VWA8: variants seen among roughly 807,000 people sequenced by gnomAD.
VWA8 encodes the protein von Willebrand factor A domain containing 8.
VWA8 carries 221 observed loss-of-function variants against 241.5 expected under a neutral mutation model. The observed-to-expected ratio is 0.91, with a 90% CI of 0.82 to 1.02. The LOEUF (loss-of-function observed/expected upper bound fraction) is 1.02, where lower values mean the gene tolerates loss of function less well. VWA8 is among the 50% of genes least tolerant of loss of function. The pLI is 0.00. For synonymous variants in VWA8, 852 were observed against 827.1 expected (o/e 1.03, Z -0.52); for missense variants, 2,322 against 2,328.7 (o/e 1.00, Z 0.06).
chr13:41,960,285 TA>T (rs1878550442), intron 1 of VWA8, among the ~76,000 whole-genome samples: 1 of 152,216 alleles, frequency 6.6e-6, no homozygotes, highest in Non-Finnish European at 1.5e-5. Flanking sequence ...TTAACTAAAT[TA>T]AGGTGTAACT....
At position 41,590,703 on chromosome 13, in the gene VWA8, CT is replaced by C; in HGVS notation, c.5048del (p.Lys1683ArgfsTer6). ...TTTCTCCAGTCAGCCCATCAATGAT[CT>C]TGGCATCATCTAATTCTCCAGTAGC... ...HQATGELDDA[K>X]IIDGLTGEKA... On this transcript the variant is annotated frameshift_variant, in exon 41 of 45. Transcript: ENST00000379310. LOFTEE classifies it high-confidence loss of function. 1 of 1,614,094 alleles carries C rather than the reference CT, an allele frequency of 6.2e-7. No homozygotes were observed. The highest frequency in any genetic ancestry group is 1.1e-5 in the South Asian group (1 of 91,082).
chr13:41,883,362 G>A (rs1349332051), intron 9 of VWA8, 25 bp downstream of exon 9: 1 of 1,569,126 alleles, frequency 6.4e-7, no homozygotes, highest in South Asian at 1.1e-5. Flanking sequence ...GAAAAGAAAG[G>A]AAAGAAAGGG....
At chr13:41,953,854 TTA>T (rs141297842) in intron 1 of VWA8, among the ~76,000 whole-genome samples, 33,821 of 151,994 alleles carry the variant, frequency 0.22, 3,816 homozygotes, top group East Asian at 0.29. Context: ...GTCATAAAGA[TTA>T]TGTTTTCTTA....
chr13:41,694,826 A>G (rs537901391), intron 29 of VWA8, among the ~76,000 whole-genome samples: 2 of 152,288 alleles, frequency 1.3e-5, no homozygotes, highest in Non-Finnish European at 2.9e-5. Context: ...ATCGTCTTCC[A>G]TTTTCCTACC....
chr13:41,807,648 T>C (rs1055347559), intron 17 of VWA8: 2 of 152,210 alleles, frequency 1.3e-5, no homozygotes, highest in African/African-American at 4.8e-5. Context: ...CATCCCTTCA[T>C]GATGAAAACC....
intron 2 of VWA8, among the ~76,000 whole-genome samples, chr13:41,941,156 C>G (rs1238907190): frequency 6.6e-6 from 1 of 152,128 alleles, no homozygotes; most frequent in Non-Finnish European, 1.5e-5. Context: ...TTGCAAAATA[C>G]TAAAATACAT....
intron 26 of VWA8, among the ~76,000 whole-genome samples, chr13:41,706,517 A>G (rs1029762117): frequency 6.6e-6 from 1 of 152,188 alleles, no homozygotes; most frequent in Non-Finnish European, 1.5e-5. Flanking sequence ...AGGTAAACCC[A>G]AGACCCTCAT....
rs556223343 is a variant in VWA8 at position 41,680,103 on chromosome 13, T to C, written c.4328-4807A>G. ...TTAACATCCAGTGCTTATATTATTA[T>C]AATTATCTAAATGCTAATCACAGCT... On this transcript the variant is annotated intron_variant, in intron 35 of 44. Coordinates refer to ENST00000379310, the MANE Select transcript of VWA8 (RefSeq NM_015058.2). Among the ~76,000 whole-genome samples the C allele has an allele frequency of 9.9e-5, 15 of 152,246 alleles. No homozygotes were observed. In the South Asian group the frequency reaches 3.1e-3, roughly 32 times the overall value.
intron 41 of VWA8, among the ~76,000 whole-genome samples, chr13:41,588,007 C>T (rs1373992988): frequency 6.6e-6 from 1 of 152,212 alleles, no homozygotes; most frequent in African/African-American, 2.4e-5. Context: ...TCTGGAATGA[C>T]ATGTCATTTT....
At chr13:41,870,081 T>A (rs1873518933) in intron 9 of VWA8, among the ~76,000 whole-genome samples, 2 of 152,070 alleles carry the variant, frequency 1.3e-5, no homozygotes, top group Non-Finnish European at 2.9e-5. Context: ...TCATAAGTAC[T>A]CAAGACAATC....
intron 21 of VWA8, among the ~76,000 whole-genome samples, chr13:41,737,342 G>T (rs1453596614): frequency 6.6e-6 from 1 of 152,174 alleles, no homozygotes; most frequent in Non-Finnish European, 1.5e-5. Context: ...GGACTAAAAA[G>T]AATTATCACT....
rs2137802776 is a variant in VWA8, at chr13:41,675,240, TC to T, written c.4383del (p.Lys1462AsnfsTer67). The T allele has an allele frequency of 6.2e-7, 1 of 1,613,106 alleles. No individual in the cohort carries two copies. Among genetic ancestry groups the T allele is most frequent in the East Asian group, 2.2e-5 (1 of 44,820 alleles). On this transcript the variant is annotated frameshift_variant, in exon 36 of 45. Coordinates refer to ENST00000379310, the MANE Select transcript of VWA8 (RefSeq NM_015058.2). LOFTEE classifies it high-confidence loss of function. ...CTGGGAATAGGGATATATCGGAGTT[TC>T]TTTGATTGAAGATCAGTGACTTCTA... ...GYIEVTDLQS[K>X]KLRYIPIPRS...
chr13:41,606,365 G>A (rs1276421154), intron 39 of VWA8, among the ~76,000 whole-genome samples: 7 of 152,016 alleles, frequency 4.6e-5, no homozygotes, highest in Non-Finnish European at 5.9e-5. Context: ...ATCTTAAACC[G>A]TCAGTAGAAA....
chr13:41,688,034 A>G (rs2045148592), intron 34 of VWA8, among the ~76,000 whole-genome samples: 1 of 149,920 alleles, frequency 6.7e-6, no homozygotes, highest in African/African-American at 2.4e-5. Context: ...AAAAGTCCCA[A>G]TTTTTTTTTT....
chr13:41,719,176 T>C (rs1338026016), intron 26 of VWA8, among the ~76,000 whole-genome samples: 1 of 151,970 alleles, frequency 6.6e-6, no homozygotes, highest in Non-Finnish European at 1.5e-5. Flanking sequence ...TGATCATAAA[T>C]TTAGAAAATT....
intron 37 of VWA8, among the ~76,000 whole-genome samples, chr13:41,622,171 A>G (rs1241458534): frequency 2.6e-5 from 4 of 152,182 alleles, no homozygotes; most frequent in Non-Finnish European, 4.4e-5. Context: ...TTTCAAAGCC[A>G]TTTTAGGACA....
At chr13:41,937,073 C>A (rs1055772451) in intron 2 of VWA8, among the ~76,000 whole-genome samples, 8 of 152,090 alleles carry the variant, frequency 5.3e-5, no homozygotes, top group African/African-American at 1.9e-4. Flanking sequence ...CTACAGTATT[C>A]AGTACAGTAA....
chr13:41,596,559 C>T (rs2044489331), intron 40 of VWA8, among the ~76,000 whole-genome samples: 1 of 151,808 alleles, frequency 6.6e-6, no homozygotes, highest in Admixed American at 6.6e-5. Context: ...GTAAAGTATC[C>T]CTGTAAATAT....
Position 41,891,432 on chromosome 13 carries a change from G to A in VWA8, c.639C>T (p.Asp213=), listed in dbSNP as rs755755723. 1 of 1,614,148 alleles carries A rather than the reference G, an allele frequency of 6.2e-7. No individual in the cohort carries two copies. The highest frequency in any genetic ancestry group is 2.2e-5 in the East Asian group (1 of 44,882). Residue 213 remains aspartate, a synonymous_variant, in exon 5 of 45, where the codon GAC becomes GAT. Coordinates refer to ENST00000379310, the MANE Select transcript of VWA8 (RefSeq NM_015058.2). ...GRFLMSAERY[D]KLLRDHTKKE... ...TTTCTTTTCTTACTCGGAGAAGTTTGTCGTAACGCTCAGCAGACATCAGGA... is the reference window on the plus strand; with the variant it reads ...TTTCTTTTCTTACTCGGAGAAGTTTATCGTAACGCTCAGCAGACATCAGGA...
Sources: allele counts gnomAD v4.1 joint callset (sites outside exome capture counted in the v4.1 genomes callset), GRCh38; gene constraint gnomAD v4.1.1; transcripts MANE v1.5; gene names NCBI Gene and HGNC (gene_info 2026-07-23, HGNC 2026-07-21).